Variants in R3HDM1 observed in about 807,000 individuals in gnomAD.
The protein encoded by R3HDM1 is R3H domain containing 1.
Under a neutral mutation model 141.1 loss-of-function variants are expected in R3HDM1, and 46 were observed. The observed-to-expected ratio is 0.33, with a 90% CI of 0.26 to 0.42. The LOEUF (loss-of-function observed/expected upper bound fraction) is 0.42, where lower values mean the gene tolerates loss of function less well. Ranked by LOEUF, R3HDM1 falls within the 10% of genes least tolerant of loss-of-function variation. The pLI is 1.00. For synonymous variants in R3HDM1, 435 were observed against 472.9 expected, an observed-to-expected ratio of 0.92 and a Z score of 1.04; for missense variants, 1,184 against 1,368.3, an observed-to-expected ratio of 0.87 and a Z score of 2.12.
At chr2:135,552,200 G>C (rs1423699097) in intron 1 of R3HDM1, among the ~76,000 whole-genome samples, 2 of 149,110 alleles carry the variant, frequency 1.3e-5, no homozygotes, top group African/African-American at 4.9e-5. Context: ...TTTCTTTTTT[G>C]GGGGGTGCGG....
intron 1 of R3HDM1, among the ~76,000 whole-genome samples, chr2:135,556,580 G>A (rs1034730120): frequency 4.7e-5 from 7 of 150,524 alleles, no homozygotes; most frequent in African/African-American, 1.5e-4. Flanking sequence ...GTGCAGTGGC[G>A]CAATCTTGGC....
At chr2:135,620,212 T>G (rs1442809704) in intron 5 of R3HDM1, 1 of 817,882 alleles carries the variant, frequency 1.2e-6, no homozygotes, top group African/African-American at 1.9e-5. Context: ...TCTCCCAGCC[T>G]GGATTTCACT....
At chr2:135,704,181 T>G (rs2105419771) in intron 21 of R3HDM1, among the ~76,000 whole-genome samples, 1 of 152,270 alleles carries the variant, frequency 6.6e-6, no homozygotes, top group African/African-American at 2.4e-5. Flanking sequence ...GGTTTCACCA[T>G]GCTGACCAGG....
intron 15 of R3HDM1, 117 bp from the exon 16 acceptor site, chr2:135,645,262 G>A (rs2064269216): frequency 2.3e-6 from 2 of 874,930 alleles, no homozygotes; most frequent in Admixed American, 2.8e-5. Context: ...CAAATATTAG[G>A]GTTTTTTTTT....
chr2:135,587,622 G>A (rs1708235020), intron 1 of R3HDM1, among the ~76,000 whole-genome samples: 2 of 152,010 alleles, frequency 1.3e-5, no homozygotes, highest in Admixed American at 1.3e-4. Flanking sequence ...TTATTTTTAA[G>A]CCTCAGATTT....
intron 16 of R3HDM1, among the ~76,000 whole-genome samples, chr2:135,646,480 GT>G (rs2105263838): frequency 6.6e-6 from 1 of 151,978 alleles, no homozygotes; most frequent in Non-Finnish European, 1.5e-5. Context: ...AGTTCCTGTA[GT>G]TAGTTATACC....
Position 135,680,251 on chromosome 2 carries a change from C to G in R3HDM1, c.2386C>G (p.Gln796Glu). The G allele has an allele frequency of 6.2e-7, 1 of 1,613,696 alleles. No individual in the cohort carries two copies. Among genetic ancestry groups the G allele is most frequent in the Non-Finnish European group, 8.5e-7 (1 of 1,179,638 alleles). The change falls in exon 21 of 27, where the codon CAA (glutamine) becomes GAA (glutamate). Residue 796 changes from glutamine to glutamate, a missense_variant. Gln to Glu is a conservative substitution (Grantham distance 29, BLOSUM62 2). This residue lies in a region of R3HDM1 where 563 missense variants were observed against 562.0 expected (regional missense o/e 1.00). Coordinates refer to ENST00000683871, the MANE Select transcript of R3HDM1 (RefSeq NM_001378107.1). ...TGTTATGTTCCCTAATCAGTCTAAT[C>G]AAGGATCTATGCCCACAACAGGAAT... Reference protein sequence around the residue: ...QPVMFPNQSNQGSMPTTGMPV... With the variant: ...QPVMFPNQSNEGSMPTTGMPV...
chr2:135,639,445 G>A (rs534687737), intron 14 of R3HDM1, among the ~76,000 whole-genome samples: 89 of 152,044 alleles, frequency 5.9e-4, no homozygotes, highest in South Asian at 2.5e-3. Flanking sequence ...TTACTTATTC[G>A]TAGTTGGTAG....
intron 19 of R3HDM1, among the ~76,000 whole-genome samples, chr2:135,669,831 G>T (rs185255908): frequency 6.6e-6 from 1 of 152,224 alleles, no homozygotes; most frequent in Admixed American, 6.5e-5. Context: ...ATCATTTGAG[G>T]CTTAGGTATT....
At chr2:135,664,129 G>A (rs1296352043) in intron 19 of R3HDM1, among the ~76,000 whole-genome samples, 1 of 151,608 alleles carries the variant, frequency 6.6e-6, no homozygotes, top group Non-Finnish European at 1.5e-5. Context: ...TAACATGATA[G>A]TTTATTGTTT....
rs11293062 is a variant in R3HDM1 at position 135,561,724 on chromosome 2, C to CA, written c.-250+30101dup. Among the ~76,000 whole-genome samples, 301 of 141,588 alleles carry CA rather than the reference C, an allele frequency of 2.1e-3. 1 individual carries two copies. Among genetic ancestry groups the CA allele is most frequent in the East Asian group, 0.013 (63 of 4,864 alleles). The allele number at this position is 141,588 out of a possible 152,430, so 92.9% of individuals were successfully genotyped here. On this transcript the variant is annotated intron_variant, in intron 1 of 26. Transcript: ENST00000683871. ...CAAAAGTGAGGTCCTGTCTCAAAAA[C>CA]AAAAAAAAAACCAAGCTTAAAATAA...
chr2:135,685,374 A>G (rs1396619843), intron 21 of R3HDM1, among the ~76,000 whole-genome samples: 1 of 152,164 alleles, frequency 6.6e-6, no homozygotes, highest in Non-Finnish European at 1.5e-5. Flanking sequence ...TAGCACACAT[A>G]CACACACTCA....
At chr2:135,591,357 T>C (rs1482672404) in intron 1 of R3HDM1, among the ~76,000 whole-genome samples, 3 of 152,206 alleles carry the variant, frequency 2.0e-5, no homozygotes, top group African/African-American at 7.2e-5. Context: ...GAGAAAAATA[T>C]ATCAAGCGAA....
rs1171607884 is a variant in R3HDM1, at chr2:135,622,700, A to G, written c.465A>G (p.Glu155=). The change falls in exon 7 of 27, where the codon GAA becomes GAG. Residue 155 remains glutamate, a synonymous_variant. Transcript: ENST00000683871. ...ATTCAACTGGCATAGATCTACATGA[A>G]TTTTTAGTAAATACATTAAAAAACA... ...YTDSTGIDLH[E]FLVNTLKNNP... 4 of 1,598,878 alleles carry G rather than the reference A, an allele frequency of 2.5e-6. No individual in the cohort carries two copies. The highest frequency in any genetic ancestry group is 1.7e-5 in the Admixed American group (1 of 58,930).
intron 16 of R3HDM1, among the ~76,000 whole-genome samples, chr2:135,646,878 C>A (rs2064504161): frequency 1.8e-5 from 2 of 114,214 alleles, no homozygotes; most frequent in South Asian, 3.7e-4. Context: ...AGTGAGTATC[C>A]CTTAAAAAAA....
rs13393931 is a variant in R3HDM1, at chr2:135,651,311, A to G, written c.1726-419A>G. 7.1e-3 allele frequency: 7,002 copies of G among 983,866 alleles called. 273 individuals carry two copies. The African/African-American group carries it at 0.091, about 13-fold the overall frequency. 60.9% of individuals were successfully genotyped at this position (983,866 alleles called of 1,614,324 possible). On this transcript the variant is annotated intron_variant, in intron 17 of 26. Transcript: ENST00000683871. ...TTTGCCTTCTAGGAAGAGGGGAGAT[A>G]GTTTAAAGCAAATACTAATTAGTAC...
intron 1 of R3HDM1, among the ~76,000 whole-genome samples, chr2:135,564,730 T>TA (rs1702412763): frequency 6.6e-6 from 1 of 152,192 alleles, no homozygotes; most frequent in Non-Finnish European, 1.5e-5. Flanking sequence ...TATATTTTTA[T>TA]AAATAAATAT....
intron 15 of R3HDM1, among the ~76,000 whole-genome samples, chr2:135,643,848 A>G (rs57232086): frequency 0.16 from 23,619 of 152,198 alleles, 2,675 homozygotes; most frequent in East Asian, 0.46. Flanking sequence ...ATCCTTAGCA[A>G]ACTAACGCAG....
chr2:135,701,014 TGATA>T (rs1559471306), intron 21 of R3HDM1, among the ~76,000 whole-genome samples: 3 of 152,002 alleles, frequency 2.0e-5, no homozygotes, highest in African/African-American at 7.2e-5. Context: ...TTAGGCACAG[TGATA>T]GATTAATAAC....
Sources: gnomAD v4.1 joint callset for allele counts (sites outside exome capture counted in the v4.1 genomes callset) on GRCh38, gnomAD v4.1.1 for gene constraint, gnomAD v4.1.1 regional missense constraint, MANE v1.5 for transcripts, NCBI Gene and HGNC (gene_info 2026-07-23, HGNC 2026-07-21) for gene names.